DEPTOR: variants seen among roughly 807,000 people sequenced by gnomAD.
The protein encoded by DEPTOR is DEP domain-containing mTOR-interacting protein.
In DEPTOR, 41 loss-of-function variants were observed where a neutral mutation model predicts 41.6. The ratio of observed to expected loss-of-function variants is 0.98; its 90% CI spans 0.77 to 1.28. The LOEUF is 1.28. DEPTOR is among the 50% of genes most tolerant of loss of function. The probability of loss-of-function intolerance (pLI) is 0.00; values close to 1 mark genes in which losing one functional copy is unlikely to be tolerated. For synonymous variants in DEPTOR, 195 were observed against 192.3 expected, an observed-to-expected ratio of 1.01 and a Z score of -0.12; for missense variants, 514 against 527.9, an observed-to-expected ratio of 0.97 and a Z score of 0.26.
At chr8:120,034,596 A>T (rs889288989) in intron 8 of DEPTOR, among the ~76,000 whole-genome samples, 91 of 151,520 alleles carry the variant, frequency 6.0e-4, no homozygotes, top group African/African-American at 2.1e-3. Context: ...TACAGGCGCC[A>T]GCCACCACGC....
intron 8 of DEPTOR, among the ~76,000 whole-genome samples, chr8:120,033,960 C>T (rs541916578): frequency 1.4e-4 from 22 of 152,042 alleles, no homozygotes; most frequent in Admixed American, 3.9e-4. Context: ...CCAGCTCCAC[C>T]GGGGGCTGAA....
At chr8:119,928,296 C>A in intron 1 of DEPTOR, 104 bp from the exon 2 acceptor site, 2 of 1,247,084 alleles carry the variant, frequency 1.6e-6, no homozygotes, top group Admixed American at 2.3e-5. Context: ...TCAATGACAC[C>A]TTCATGCCTT....
Position 119,873,824 on chromosome 8 carries a change from G to T in DEPTOR, c.-23G>T. Reference sequence around the variant, plus strand: ...ACCCTCGGCGGACAGCGGAGCCAGTGGTAGCCGCACGGCCCTAAAACCATG... The same window carrying T: ...ACCCTCGGCGGACAGCGGAGCCAGTTGTAGCCGCACGGCCCTAAAACCATG... On this transcript the variant is annotated 5_prime_UTR_variant, in exon 1 of 9. Transcript: ENST00000286234. 6.2e-7 allele frequency: 1 copy of T among 1,608,732 alleles called. No individual in the cohort carries two copies.
chr8:119,922,015 A>G (rs924323071), intron 1 of DEPTOR, among the ~76,000 whole-genome samples: 2 of 152,050 alleles, frequency 1.3e-5, no homozygotes, highest in African/African-American at 4.8e-5. Context: ...AGGTGGGTGG[A>G]TCACCTGAGG....
At chr8:120,049,514 T>C in intron 8 of DEPTOR, 62 bp from the exon 9 acceptor site, 1 of 1,581,072 alleles carries the variant, frequency 6.3e-7, no homozygotes, top group Non-Finnish European at 8.6e-7. Context: ...ACTGTCTTTA[T>C]TAAAGCTTTG....
At chr8:119,917,083 A>G (rs1827824013) in intron 1 of DEPTOR, among the ~76,000 whole-genome samples, 1 of 152,174 alleles carries the variant, frequency 6.6e-6, no homozygotes, top group East Asian at 1.9e-4. Context: ...TTTATCTTTT[A>G]AAGTGTACAG....
intron 4 of DEPTOR, among the ~76,000 whole-genome samples, chr8:119,986,115 C>T (rs147626396): frequency 0.015 from 2,305 of 152,134 alleles, 27 homozygotes; most frequent in African/African-American, 0.03. Flanking sequence ...GCAGTTTCTT[C>T]ATAGTGTCAA....
At position 120,028,522 on chromosome 8, in the gene DEPTOR, G is replaced by A. The variant is rs371917510; in HGVS notation, c.1101+19389G>A. Among the ~76,000 whole-genome samples, 18 of 140,736 alleles carry A rather than the reference G, an allele frequency of 1.3e-4. 1 individual carries two copies. Among genetic ancestry groups the A allele is most frequent in the East Asian group, 1.1e-3 (5 of 4,610 alleles). 92.3% of individuals were successfully genotyped at this position (140,736 alleles called of 152,430 possible). A position where few individuals can be genotyped will look rare whatever the true frequency, so the allele number is the denominator to read the frequency against. ...TCACCCAGGCTGGAGTGCAAGGCAC[G>A]ATCTCGGCTCACTGCAACCTCCCCC... On this transcript the variant is annotated intron_variant, in intron 8 of 8. Coordinates refer to ENST00000286234, the MANE Select transcript of DEPTOR (RefSeq NM_022783.4).
chr8:120,020,003 C>T (rs1812674869), intron 8 of DEPTOR, among the ~76,000 whole-genome samples: 1 of 152,150 alleles, frequency 6.6e-6, no homozygotes, highest in Non-Finnish European at 1.5e-5. Flanking sequence ...CCATCACCAG[C>T]ACTGCATGTT....
chr8:119,974,186 G>C (rs1278644727), intron 4 of DEPTOR, among the ~76,000 whole-genome samples: 2 of 143,688 alleles, frequency 1.4e-5, no homozygotes, highest in Non-Finnish European at 3.0e-5. Flanking sequence ...ATTGCTTGAG[G>C]ACAGGAGTTC....
chr8:119,951,870 G>A (rs1828357739), intron 3 of DEPTOR, among the ~76,000 whole-genome samples: 2 of 152,058 alleles, frequency 1.3e-5, no homozygotes, highest in Admixed American at 6.6e-5. Context: ...TGAGTGTGGT[G>A]GCTCACGCTG....
chr8:119,942,274 C>T (rs1828213497), intron 3 of DEPTOR, among the ~76,000 whole-genome samples: 1 of 152,228 alleles, frequency 6.6e-6, no homozygotes. Context: ...ATGATCTTGG[C>T]TCACTGCAAT....
At chr8:120,015,822 C>A (rs7818635) in intron 8 of DEPTOR, among the ~76,000 whole-genome samples, 1 of 152,016 alleles carries the variant, frequency 6.6e-6, no homozygotes, top group Non-Finnish European at 1.5e-5. Flanking sequence ...ATTGGTTTGA[C>A]GAGGCATGTC....
chr8:120,010,453 A>G (rs1286551728), intron 8 of DEPTOR, among the ~76,000 whole-genome samples: 3 of 151,976 alleles, frequency 2.0e-5, no homozygotes, highest in Non-Finnish European at 4.4e-5. Context: ...GGTCTCTACT[A>G]AAGATACAAA....
rs79493533 is a variant in DEPTOR at position 119,998,683 on chromosome 8, A to G, written c.605-2842A>G. On this transcript the variant is annotated intron_variant, in intron 4 of 8. Coordinates refer to ENST00000286234, the MANE Select transcript of DEPTOR (RefSeq NM_022783.4). ...AAATTGAGGCAATAAATAAATCTCA[A>G]TGGATTTCTAAGATATAAATGGTAT... Among the ~76,000 whole-genome samples the G allele has an allele frequency of 3.4e-3, 522 of 152,284 alleles. 1 individual carries two copies. Among genetic ancestry groups the G allele is most frequent in the African/African-American group, 0.012 (481 of 41,556 alleles).
chr8:119,880,141 C>CAAAATAAAATAAAAT (rs534342442), intron 1 of DEPTOR, among the ~76,000 whole-genome samples: 1,819 of 139,184 alleles, frequency 0.013, 18 homozygotes, highest in African/African-American at 0.021. Flanking sequence ...GACTCCGTCT[C>CAAAATAAAATAAAAT]AAAATAAAAT....
chr8:119,891,733 G>T lies in DEPTOR; in HGVS notation c.122+17765G>T, dbSNP rs1827455062. Among the ~76,000 whole-genome samples, 4 of 152,158 alleles carry T rather than the reference G, an allele frequency of 2.6e-5. No homozygotes were observed. The South Asian group carries it at 8.3e-4, about 32-fold the overall frequency. On this transcript the variant is annotated intron_variant, in intron 1 of 8. Coordinates refer to ENST00000286234, the MANE Select transcript of DEPTOR (RefSeq NM_022783.4). ...GGCTTACATTCAAATTTCATGGAAT[G>T]ATTTTTGTATTACTTGAGTTTTGAT...
intron 4 of DEPTOR, among the ~76,000 whole-genome samples, chr8:119,968,118 C>T (rs975809671): frequency 6.6e-6 from 1 of 152,090 alleles, no homozygotes; most frequent in Non-Finnish European, 1.5e-5. Context: ...ATTGTCAGGA[C>T]TATGAGATGG....
intron 8 of DEPTOR, among the ~76,000 whole-genome samples, chr8:120,019,254 G>A (rs143163918): frequency 0.042 from 6,394 of 152,140 alleles, 190 homozygotes; most frequent in South Asian, 0.12. Flanking sequence ...GCAGTGAGCC[G>A]AGATTGCGCC....
Sources: gnomAD v4.1 joint callset for allele counts (sites outside exome capture counted in the v4.1 genomes callset) on GRCh38, gnomAD v4.1.1 for gene constraint, MANE v1.5 for transcripts, NCBI Gene and HGNC (gene_info 2026-07-23, HGNC 2026-07-21) for gene names.